The following SIPA1 variants were observed in gnomAD, a reference collection of about 807,000 sequenced individuals.
SIPA1 encodes the protein signal-induced proliferation-associated 1.
In SIPA1, 51 loss-of-function variants were observed where a neutral mutation model predicts 88.1. The ratio of observed to expected loss-of-function variants is 0.58; its 90% CI spans 0.46 to 0.73. SIPA1 has a LOEUF of 0.73. SIPA1 is among the 30% of genes least tolerant of loss of function. SIPA1 has a pLI of 0.00. For missense variants in SIPA1, 1,348 were observed against 1,467.6 expected, an observed-to-expected ratio of 0.92 and a Z score of 1.33; for synonymous variants, 681 against 664.8, an observed-to-expected ratio of 1.02 and a Z score of -0.37.
rs1855992552 is a variant in SIPA1 at position 65,641,084 on chromosome 11, A to G, written c.163A>G (p.Ser55Gly). 1 of 1,600,100 alleles carries G rather than the reference A, an allele frequency of 6.2e-7. No individual in the cohort carries two copies. Among genetic ancestry groups the G allele is most frequent in the Admixed American group, 1.7e-5 (1 of 59,530 alleles). Residue 55 changes from serine (S) to glycine (G), a missense_variant, in exon 2 of 16, where the codon AGC becomes GGC. Physicochemically the swap from Ser to Gly is moderately conservative, Grantham distance 56. This residue lies in a region of SIPA1 where 641 missense variants were observed against 797.7 expected (regional missense o/e 0.80). Transcript: ENST00000534313. Reference sequence around the variant, plus strand: ...CCGGGGCCCACTCCTGCGCAGCGGCAGCGATGCAGGCGAGGCCAGGCCCCC... The same window carrying G: ...CCGGGGCCCACTCCTGCGCAGCGGCGGCGATGCAGGCGAGGCCAGGCCCCC... ...PVRGPLLRSG[S>G]DAGEARPPTP...
chr11:65,642,071 T>A lies in SIPA1; in HGVS notation c.680-179T>A. ...CTAGGTCTGGGTCTGGGTCCACCTC[T>A]GGGTCAGGGTTGAGATCAAGATATT... On this transcript the variant is annotated intron_variant, in intron 2 of 15. Transcript: ENST00000534313. The surrounding 1 kb of genome is among the most constrained non-coding windows in gnomAD (Gnocchi z 6.5). The A allele has an allele frequency of 1.1e-6, 1 of 897,694 alleles. No homozygotes were observed. Among genetic ancestry groups the A allele is most frequent in the Non-Finnish European group, 1.7e-6 (1 of 605,638 alleles). The allele number at this position is 897,694 out of a possible 1,614,324, so 55.6% of individuals were successfully genotyped here.
At position 65,641,164 on chromosome 11, in the gene SIPA1, T is replaced by G. The variant is rs1855995481; in HGVS notation, c.243T>G (p.Pro81=). 1 of 1,608,040 alleles carries G rather than the reference T, an allele frequency of 6.2e-7. No individual in the cohort carries two copies. Among genetic ancestry groups the G allele is most frequent in the Non-Finnish European group, 8.5e-7 (1 of 1,179,930 alleles). The change falls in exon 2 of 16, where the codon CCT becomes CCG. Residue 81 remains proline (P), a synonymous_variant. Transcript: ENST00000534313. ...ACAGCCACGAAGAGGCCAGCCGACC[T>G]GCAGCCACTTCCACCCGGCTCTTCA... ...RAHSHEEASR[P]AATSTRLFTD...
chr11:65,647,048 G>T lies in SIPA1; in HGVS notation c.2014G>T (p.Val672Leu). Reference protein sequence around the residue: ...DGSPGQAVGEVVARLQLVSRG... With the variant: ...DGSPGQAVGELVARLQLVSRG... ...GTCCCCCGGCCAAGCCGTGGGCGAG[G>T]TGGTGGCGCGCCTGCAGGTGAGCTG... The change falls in exon 8 of 16, where the codon GTG (valine) becomes TTG (leucine). Residue 672 changes from valine (V) to leucine (L), a missense_variant. Val to Leu is a conservative substitution (Grantham distance 32, BLOSUM62 1). Around this residue, in one of 4 missense-constraint regions of SIPA1, gnomAD observed 615 missense variants for 559.8 expected, o/e 1.10. Coordinates refer to ENST00000534313, the MANE Select transcript of SIPA1 (RefSeq NM_006747.4). The T allele has an allele frequency of 1.3e-6, 2 of 1,543,384 alleles. No individual in the cohort carries two copies. Among genetic ancestry groups the T allele is most frequent in the Non-Finnish European group, 1.7e-6 (2 of 1,150,950 alleles).
intron 8 of SIPA1, 121 bp downstream of exon 8, chr11:65,647,186 C>A: frequency 7.1e-7 from 1 of 1,412,752 alleles, no homozygotes; most frequent in Non-Finnish European, 9.2e-7. Context: ...GAGGGCAGAG[C>A]CAGCCCCGGG....
At chr11:65,644,780 T>A (rs558703139) in intron 4 of SIPA1, among the ~76,000 whole-genome samples, 175 bp from the exon 5 acceptor site, 1 of 152,178 alleles carries the variant, frequency 6.6e-6, no homozygotes, top group Admixed American at 6.5e-5. Context: ...TTCCTACCTG[T>A]GCACTCCCAA....
chr11:65,647,206 G>C (rs1856141844), intron 8 of SIPA1, 141 bp downstream of exon 8: 1 of 1,402,524 alleles, frequency 7.1e-7, no homozygotes, highest in Non-Finnish European at 9.3e-7. Context: ...GGCTTGGCAA[G>C]GCCGGAACTG....
At position 65,641,171 on chromosome 11, in the gene SIPA1, A is replaced by G. The variant is rs1450793070; in HGVS notation, c.250A>G (p.Thr84Ala). Residue 84 changes from threonine to alanine, a missense_variant, in exon 2 of 16, where the codon ACT becomes GCT. Thr to Ala is a moderately conservative substitution (Grantham distance 58). Coordinates refer to ENST00000534313, the MANE Select transcript of SIPA1 (RefSeq NM_006747.4). ...CGAAGAGGCCAGCCGACCTGCAGCC[A>G]CTTCCACCCGGCTCTTCACTGACCC... ...SHEEASRPAATSTRLFTDPLA... is the reference protein window; with the variant it reads ...SHEEASRPAAASTRLFTDPLA... 2 of 1,609,030 alleles carry G rather than the reference A, an allele frequency of 1.2e-6. No individual in the cohort carries two copies. The highest frequency in any genetic ancestry group is 2.7e-5 in the African/African-American group (2 of 74,914).
rs373521999 is a variant in SIPA1, at chr11:65,650,429, G to C, written c.2932G>C (p.Val978Leu). The stretch of plus-strand genomic sequence containing the variant: ...AGAGCCTGGGAACCTCTCAGAGAAG[G>C]TCTCTCACTTGGAGTCCATGCTCAG... ...EPEPGNLSEK[V>L]SHLESMLRKL... is the part of the protein sequence containing the mutation. Residue 978 changes from valine (V) to leucine (L), a missense_variant, in exon 15 of 16, where the codon GTC becomes CTC. Physicochemically the swap from Val to Leu is conservative, Grantham distance 32. Transcript: ENST00000534313. 5 of 1,614,098 alleles carry C rather than the reference G, an allele frequency of 3.1e-6. No individual in the cohort carries two copies. The highest frequency in any genetic ancestry group is 4.2e-6 in the Non-Finnish European group (5 of 1,180,012).
intron 4 of SIPA1, among the ~76,000 whole-genome samples, chr11:65,643,765 G>C (rs1463397871): frequency 6.6e-6 from 1 of 152,194 alleles, no homozygotes. Context: ...TGGAGAATGA[G>C]AGCATGGCAC....
Position 65,646,603 on chromosome 11 carries a change from G to T in SIPA1, c.1569G>T (p.Gln523His). Residue 523 changes from glutamine (Q) to histidine (H), a missense_variant, in exon 8 of 16, where the codon CAG (glutamine) becomes CAT (histidine). Around this residue, in one of 4 missense-constraint regions of SIPA1, gnomAD observed 641 missense variants for 797.7 expected, o/e 0.80. Transcript: ENST00000534313. This position sits in a 1 kb window ranked among gnomAD's most constrained non-coding sequence, Gnocchi z 7.5. Reference sequence around the variant, plus strand: ...AGCAGGCGGCCGGCCACGCGCGCCAGTTCCACGCCATGGCCACGCGCACCC... The same window carrying T: ...AGCAGGCGGCCGGCCACGCGCGCCATTTCCACGCCATGGCCACGCGCACCC... ...NGEQAAGHAR[Q>H]FHAMATRTRQ... The T allele has an allele frequency of 1.3e-6, 2 of 1,545,176 alleles. No homozygotes were observed.
chr11:65,641,046 A>G lies in SIPA1; in HGVS notation c.125A>G (p.Glu42Gly). The part of the protein sequence containing the change: ...ARPPLTPHTF[E>G]PRPVRGPLLR... ...CCCCCGCTGACACCGCACACCTTCG[A>G]GCCGAGGCCAGTCCGGGGCCCACTC... is the stretch of plus-strand genomic sequence containing the variant. The change falls in exon 2 of 16, where the codon GAG (glutamate) becomes GGG (glycine). Residue 42 changes from glutamate to glycine, a missense_variant. By Grantham distance (98) the Glu-to-Gly change is moderately conservative. Transcript: ENST00000534313. 1 of 1,594,344 alleles carries G rather than the reference A, an allele frequency of 6.3e-7. No homozygotes were observed. The highest frequency in any genetic ancestry group is 8.5e-7 in the Non-Finnish European group (1 of 1,174,584).
Position 65,642,408 on chromosome 11 carries a change from G to A in SIPA1, c.807+31G>A, listed in dbSNP as rs1474930006. The A allele has an allele frequency of 4.4e-6, 7 of 1,594,592 alleles. No individual in the cohort carries two copies. In the Admixed American group the frequency reaches 8.6e-5, roughly 20 times the overall value. ...CCGGGATCGCGGGATCAGGACGTGG[G>A]TTGCCTCCCCGACACCTTGTATGCA... On this transcript the variant is annotated intron_variant, in intron 3 of 15. Transcript: ENST00000534313. The surrounding 1 kb of genome is among the most constrained non-coding windows in gnomAD (Gnocchi z 6.5).
rs753889150 is a variant in SIPA1 at position 65,650,209 on chromosome 11, C to T, written c.2903+17C>T. ...TGATGCTGAGTAAGCTCCCCAACTCCCCACAGCCGCTTTACCTGCCCACAT... is the reference window on the plus strand; with the variant it reads ...TGATGCTGAGTAAGCTCCCCAACTCTCCACAGCCGCTTTACCTGCCCACAT... On this transcript the variant is annotated intron_variant, in intron 14 of 15. Transcript: ENST00000534313. 6.2e-7 allele frequency: 1 copy of T among 1,613,656 alleles called. No homozygotes were observed. Among genetic ancestry groups the T allele is most frequent in the Non-Finnish European group, 8.5e-7 (1 of 1,179,630 alleles).
At position 65,642,704 on chromosome 11, in the gene SIPA1, G is replaced by C. The variant is rs1856032692; in HGVS notation, c.984+65G>C. 1.4e-6 allele frequency: 2 copies of C among 1,403,232 alleles called. No individual in the cohort carries two copies. The highest frequency in any genetic ancestry group is 1.4e-5 in the South Asian group (1 of 69,522). The allele number at this position is 1,403,232 out of a possible 1,614,324, so 86.9% of individuals were successfully genotyped here. On this transcript the variant is annotated intron_variant, in intron 4 of 15. Transcript: ENST00000534313. The surrounding 1 kb of genome is among the most constrained non-coding windows in gnomAD (Gnocchi z 6.5). ...CCCCAGTCTGAACCCAGCCTGCCCA[G>C]CTCCCAAACCCCTAGCCTTGACCCT... is the stretch of plus-strand genomic sequence containing the variant.
Position 65,647,039 on chromosome 11 carries a change from G to A in SIPA1, c.2005G>A (p.Val669Met). Residue 669 changes from valine to methionine, a missense_variant, in exon 8 of 16, where the codon GTG (valine) becomes ATG (methionine). This residue lies in a region of SIPA1 where 615 missense variants were observed against 559.8 expected (regional missense o/e 1.10). Coordinates refer to ENST00000534313, the MANE Select transcript of SIPA1 (RefSeq NM_006747.4). Reference protein sequence around the residue: ...LRFDGSPGQAVGEVVARLQLV... With the variant: ...LRFDGSPGQAMGEVVARLQLV... ...CTTCGACGGGTCCCCCGGCCAAGCC[G>A]TGGGCGAGGTGGTGGCGCGCCTGCA... is the stretch of plus-strand genomic sequence containing the variant. 3.2e-6 allele frequency: 5 copies of A among 1,543,238 alleles called. No individual in the cohort carries two copies. Among genetic ancestry groups the A allele is most frequent in the South Asian group, 2.4e-5 (2 of 84,470 alleles).
At position 65,640,937 on chromosome 11, in the gene SIPA1, G is replaced by A. The variant is rs1446357066; in HGVS notation, c.16G>A (p.Gly6Ser). 2.0e-6 allele frequency: 3 copies of A among 1,522,506 alleles called. No individual in the cohort carries two copies. The highest frequency in any genetic ancestry group is 1.4e-5 in the African/African-American group (1 of 72,658). The allele number at this position is 1,522,506 out of a possible 1,614,324, so 94.3% of individuals were successfully genotyped here. The change falls in exon 2 of 16, where the codon GGC (glycine) becomes AGC (serine). Residue 6 changes from glycine to serine, a missense_variant. Gly to Ser is a moderately conservative substitution (Grantham distance 56). Around this residue, in one of 4 missense-constraint regions of SIPA1, gnomAD observed 641 missense variants for 797.7 expected, o/e 0.80. Coordinates refer to ENST00000534313, the MANE Select transcript of SIPA1 (RefSeq NM_006747.4). MPMWAGGVGSPRRGMA... is the reference protein window; with the variant it reads MPMWASGVGSPRRGMA... ...CCCACAGAGCATGCCCATGTGGGCCGGCGGTGTGGGGAGCCCTCGGCGGGG... is the reference window on the plus strand; with the variant it reads ...CCCACAGAGCATGCCCATGTGGGCCAGCGGTGTGGGGAGCCCTCGGCGGGG...
At position 65,641,213 on chromosome 11, in the gene SIPA1, C is replaced by G; in HGVS notation, c.292C>G (p.Leu98Val). The part of the protein sequence containing the change: ...LFTDPLALLG[L>V]PAEEPEPAFP... ...CACTGACCCGCTGGCACTGCTGGGG[C>G]TGCCAGCAGAGGAACCAGAGCCTGC... Residue 98 changes from leucine to valine, a missense_variant, in exon 2 of 16, where the codon CTG (leucine) becomes GTG (valine). Leu to Val is a conservative substitution (Grantham distance 32). Coordinates refer to ENST00000534313, the MANE Select transcript of SIPA1 (RefSeq NM_006747.4). 6.2e-7 allele frequency: 1 copy of G among 1,612,646 alleles called. No homozygotes were observed. Among genetic ancestry groups the G allele is most frequent in the Non-Finnish European group, 8.5e-7 (1 of 1,180,002 alleles).
Position 65,647,065 on chromosome 11 carries a change from G to C in SIPA1, c.2031G>C (p.Gln677His). 1 of 1,535,648 alleles carries C rather than the reference G, an allele frequency of 6.5e-7. No homozygotes were observed. The change falls in exon 8 of 16, where the codon CAG (glutamine) becomes CAC (histidine). Residue 677 changes from glutamine (Q) to histidine (H), a missense_variant and splice_region_variant. Physicochemically the swap from Gln to His is conservative, Grantham distance 24. This residue lies in a region of SIPA1 where 615 missense variants were observed against 559.8 expected (regional missense o/e 1.10). Coordinates refer to ENST00000534313, the MANE Select transcript of SIPA1 (RefSeq NM_006747.4). ...QAVGEVVARL[Q>H]LVSRGCETRE... ...TGGGCGAGGTGGTGGCGCGCCTGCAGGTGAGCTGGAGTGGTAAACTGGGGC... is the reference window on the plus strand; with the variant it reads ...TGGGCGAGGTGGTGGCGCGCCTGCACGTGAGCTGGAGTGGTAAACTGGGGC...
At chr11:65,638,419 C>G (rs771893422) in intron 1 of SIPA1, 1 of 152,956 alleles carries the variant, frequency 6.5e-6, no homozygotes, top group Non-Finnish European at 1.5e-5. Context: ...GCCAGCCAGC[C>G]GGTGAGTGGA....
Sources: gnomAD v4.1 joint callset for allele counts (sites outside exome capture counted in the v4.1 genomes callset) on GRCh38, gnomAD v4.1.1 for gene constraint, gnomAD v4.1.1 regional missense constraint, Gnocchi (gnomAD v3.1) non-coding constraint, MANE v1.5 for transcripts, NCBI Gene and HGNC (gene_info 2026-07-23, HGNC 2026-07-21) for gene names.